The following CLVS1 variants were observed in gnomAD, a reference collection of about 807,000 sequenced individuals.
CLVS1 encodes the protein clavesin-1.
A neutral mutation model predicts 33.1 loss-of-function variants in CLVS1; 10 were observed. That is an observed-to-expected ratio of 0.30 (90% CI 0.19 to 0.51). The LOEUF is 0.51. CLVS1 is among the 20% of genes least tolerant of loss of function. The probability of loss-of-function intolerance (pLI) is 0.97; values close to 1 mark genes in which losing one functional copy is unlikely to be tolerated. For synonymous variants in CLVS1, 163 were observed against 166.1 expected (o/e 0.98, Z 0.14); for missense variants, 343 against 433.4 (o/e 0.79, Z 1.85).
At chr8:61,356,620 G>T (rs1812718698) in intron 2 of CLVS1, among the ~76,000 whole-genome samples, 1 of 152,052 alleles carries the variant, frequency 6.6e-6, no homozygotes, top group South Asian at 2.1e-4. Context: ...TCCAGTTTCA[G>T]CTTTCTACAT....
chr8:61,375,439 C>T (rs780782579), intron 2 of CLVS1, among the ~76,000 whole-genome samples: 17 of 151,918 alleles, frequency 1.1e-4, no homozygotes, highest in Non-Finnish European at 1.3e-4. Flanking sequence ...TTAGTCGAGA[C>T]GGGGTTTCAC....
chr8:61,052,027 TC>T, the CLVS1 span, among the ~76,000 whole-genome samples: 1 of 152,224 alleles, frequency 6.6e-6, no homozygotes, highest in East Asian at 1.9e-4. Context: ...CTGTGTTGCC[TC>T]CTGGTCCCTG....
At chr8:61,089,962 G>A (rs376155978) in intron 1 of CLVS1, among the ~76,000 whole-genome samples, 1 of 152,148 alleles carries the variant, frequency 6.6e-6, no homozygotes, top group South Asian at 2.1e-4. Flanking sequence ...CAGGAAGCAG[G>A]TTCCATGACT....
At chr8:61,060,163 C>A (rs1470657400) in intron 1 of CLVS1, among the ~76,000 whole-genome samples, 1 of 152,032 alleles carries the variant, frequency 6.6e-6, no homozygotes, top group Non-Finnish European at 1.5e-5. Flanking sequence ...TAGTCCTTAC[C>A]CTAATTAATA....
chr8:61,214,452 A>C (rs1378862062), intron 2 of CLVS1, among the ~76,000 whole-genome samples: 1 of 152,158 alleles, frequency 6.6e-6, no homozygotes, highest in Non-Finnish European at 1.5e-5. Flanking sequence ...CTGACGCTTA[A>C]GGAAAATAGA....
chr8:61,033,097 AAGAT>A, the CLVS1 span, among the ~76,000 whole-genome samples: 562 of 120,538 alleles, frequency 4.7e-3, 22 homozygotes, highest in African/African-American at 0.013. Context: ...GAAAGAAAGA[AAGAT>A]AGAAAGAAAG....
At chr8:61,382,867 C>T (rs925798987) in intron 3 of CLVS1, among the ~76,000 whole-genome samples, 1 of 152,194 alleles carries the variant, frequency 6.6e-6, no homozygotes, top group Non-Finnish European at 1.5e-5. Flanking sequence ...GCAAATCATT[C>T]ACTTTCTGGG....
intron 2 of CLVS1, among the ~76,000 whole-genome samples, chr8:61,371,982 C>T (rs553632596): frequency 6.6e-6 from 1 of 152,294 alleles, no homozygotes; most frequent in African/African-American, 2.4e-5. Context: ...ATTTGCAGTT[C>T]ACATAGTCCT....
chr8:61,499,346 T>C (rs1737792066), intron 5 of CLVS1, 109 bp from the exon 6 acceptor site: 1 of 705,454 alleles, frequency 1.4e-6, no homozygotes, highest in African/African-American at 1.8e-5. Flanking sequence ...CAGTTAATTT[T>C]TGAGTGTCTA....
At chr8:61,374,016 T>A (rs1388070558) in intron 2 of CLVS1, among the ~76,000 whole-genome samples, 2 of 152,198 alleles carry the variant, frequency 1.3e-5, no homozygotes, top group African/African-American at 4.8e-5. Flanking sequence ...AGTGGTAACA[T>A]CTGAAGTCTC....
chr8:61,471,789 G>A (rs1012331381), intron 5 of CLVS1, among the ~76,000 whole-genome samples: 2 of 152,130 alleles, frequency 1.3e-5, no homozygotes, highest in African/African-American at 4.8e-5. Flanking sequence ...ATTTTTGTTG[G>A]GTCTTTATTA....
intron 1 of CLVS1, among the ~76,000 whole-genome samples, chr8:61,091,544 G>A (rs1410288499): frequency 6.6e-6 from 1 of 152,002 alleles, no homozygotes; most frequent in South Asian, 2.1e-4. Flanking sequence ...TTTCCTAGGT[G>A]GACTATTTCA....
At chr8:61,485,264 C>T (rs1165049233) in intron 5 of CLVS1, among the ~76,000 whole-genome samples, 3 of 152,088 alleles carry the variant, frequency 2.0e-5, no homozygotes, top group African/African-American at 7.2e-5. Context: ...AACAAACAAC[C>T]CCATCAAAAA....
At chr8:60,993,473 C>T in the CLVS1 span, among the ~76,000 whole-genome samples, 1 of 152,206 alleles carries the variant, frequency 6.6e-6, no homozygotes, top group South Asian at 2.1e-4. Flanking sequence ...CTGAGCCAAT[C>T]GCTTCACCTC....
At chr8:61,083,743 A>T (rs1022894776) in intron 1 of CLVS1, among the ~76,000 whole-genome samples, 1 of 152,212 alleles carries the variant, frequency 6.6e-6, no homozygotes, top group African/African-American at 2.4e-5. Context: ...TACATGGATT[A>T]AAGAAATTTC....
intron 2 of CLVS1, among the ~76,000 whole-genome samples, chr8:61,147,193 G>T (rs565073165): frequency 3.3e-5 from 5 of 152,292 alleles, no homozygotes; most frequent in South Asian, 4.1e-4. Context: ...AGGGAATCAC[G>T]TGTTTCCAGT....
At chr8:61,059,823 T>C (rs1264281795) in intron 1 of CLVS1, among the ~76,000 whole-genome samples, 2 of 148,936 alleles carry the variant, frequency 1.3e-5, no homozygotes, top group East Asian at 3.9e-4. Flanking sequence ...AAAAAAAAAA[T>C]AGTGAACGTA....
chr8:61,333,457 GA>G (rs777472858), intron 2 of CLVS1, among the ~76,000 whole-genome samples: 3 of 152,076 alleles, frequency 2.0e-5, no homozygotes, highest in Non-Finnish European at 2.9e-5. Flanking sequence ...AAAACAGAAA[GA>G]AAAGTCTGGG....
chr8:61,241,368 CTGAGA>C (rs1168321949), intron 2 of CLVS1, among the ~76,000 whole-genome samples: 25 of 151,990 alleles, frequency 1.6e-4, no homozygotes, highest in Non-Finnish European at 1.5e-4. Flanking sequence ...CCTTGCATTT[CTGAGA>C]TAAGTCAAGT....
Sources: gnomAD v4.1 joint callset for allele counts (sites outside exome capture counted in the v4.1 genomes callset) on GRCh38, gnomAD v4.1.1 for gene constraint, MANE v1.5 for transcripts, NCBI Gene and HGNC (gene_info 2026-07-23, HGNC 2026-07-21) for gene names.